DYNLT1: variants seen among roughly 807,000 people sequenced by gnomAD.
DYNLT1 encodes T-complex testis-specific protein 1 homolog.
Under a neutral mutation model 19.6 loss-of-function variants are expected in DYNLT1, and 18 were observed. The ratio of observed to expected loss-of-function variants is 0.92; its 90% CI spans 0.64 to 1.36. The LOEUF (loss-of-function observed/expected upper bound fraction) is 1.36. Among genes scored for constraint, DYNLT1 ranks in the 40% most tolerant of loss-of-function variants. The pLI is 0.00. For missense variants in DYNLT1, 137 were observed against 139.3 expected (o/e 0.98, Z 0.08); for synonymous variants, 56 against 44.0 (o/e 1.27, Z -1.07).
intron 4 of DYNLT1, 74 bp downstream of exon 4, chr6:158,637,054 G>A (rs746399279): frequency 5.1e-6 from 8 of 1,579,832 alleles, no homozygotes; most frequent in Non-Finnish European, 6.1e-6. Context: ...AACATGCATT[G>A]CATTCAAAGA....
At chr6:158,642,083 T>C (rs927802595) in intron 1 of DYNLT1, 3 of 152,370 alleles carry the variant, frequency 2.0e-5, no homozygotes, top group East Asian at 3.9e-4. Context: ...GAGGATCAGT[T>C]TGACCTTGAG....
intron 1 of DYNLT1, 105 bp downstream of exon 1, chr6:158,644,577 C>T: frequency 7.1e-7 from 1 of 1,407,864 alleles, no homozygotes; most frequent in Non-Finnish European, 9.8e-7. Flanking sequence ...CGAGACTGGC[C>T]TAGCTGAAGG....
chr6:158,638,627 G>A (rs1401487231), intron 2 of DYNLT1, among the ~76,000 whole-genome samples: 1 of 151,900 alleles, frequency 6.6e-6, no homozygotes, highest in African/African-American at 2.4e-5. Flanking sequence ...CGCCTGGCTA[G>A]TTTTTTGTAG....
At chr6:158,641,798 C>G (rs980631711) in intron 1 of DYNLT1, 1 of 152,686 alleles carries the variant, frequency 6.5e-6, no homozygotes, top group Non-Finnish European at 1.5e-5. Flanking sequence ...TCTCGAACTC[C>G]TGACCTCAGG....
rs1405111734 is a variant in DYNLT1 at position 158,636,691 on chromosome 6, T to C, written c.*136A>G. On this transcript the variant is annotated 3_prime_UTR_variant, in exon 5 of 5. Transcript: ENST00000367089. ...CGGTGCCATTCACATCACAGTGCGG[T>C]CATTTGGTTTTTTCCTCTACATTGT... 2 of 978,678 alleles carry C rather than the reference T, an allele frequency of 2.0e-6. No homozygotes were observed. The highest frequency in any genetic ancestry group is 3.0e-6 in the Non-Finnish European group (2 of 662,172). 60.6% of individuals were successfully genotyped at this position (978,678 alleles called of 1,614,324 possible).
At position 158,636,724 on chromosome 6, in the gene DYNLT1, C is replaced by A; in HGVS notation, c.*103G>T. The A allele has an allele frequency of 7.4e-7, 1 of 1,348,342 alleles. No individual in the cohort carries two copies. The highest frequency in any genetic ancestry group is 1.0e-6 in the Non-Finnish European group (1 of 980,984). 83.5% of individuals were successfully genotyped at this position (1,348,342 alleles called of 1,614,324 possible). On this transcript the variant is annotated 3_prime_UTR_variant, in exon 5 of 5. Coordinates refer to ENST00000367089, the MANE Select transcript of DYNLT1 (RefSeq NM_006519.4). ...TTTTTTCCTCTACATTGTGAAAGTG[C>A]CACAAAACAAAGAGAATGAGAAAAG...
rs1399473239 is a variant in DYNLT1, at chr6:158,637,260, T to A, written c.194-55A>T. 2.0e-6 allele frequency: 3 copies of A among 1,521,772 alleles called. No homozygotes were observed. The East Asian group carries it at 6.8e-5, about 34-fold the overall frequency. 94.3% of individuals were successfully genotyped at this position (1,521,772 alleles called of 1,614,324 possible). Reference sequence around the variant, plus strand: ...AGTCTACTGGGTAACACAAATGTCATTCTGTCCACTTTTAGCAAACGTACA... The same window carrying A: ...AGTCTACTGGGTAACACAAATGTCAATCTGTCCACTTTTAGCAAACGTACA... On this transcript the variant is annotated intron_variant, in intron 3 of 4. Coordinates refer to ENST00000367089, the MANE Select transcript of DYNLT1 (RefSeq NM_006519.4).
intron 2 of DYNLT1, among the ~76,000 whole-genome samples, chr6:158,638,731 G>A (rs1418261871): frequency 6.6e-6 from 1 of 152,194 alleles, no homozygotes; most frequent in Non-Finnish European, 1.5e-5. Flanking sequence ...GGGATTACAG[G>A]CATAAGCCAC....
rs1185299240 is a variant in DYNLT1, at chr6:158,637,759, A to G, written c.193+12T>C. 6.2e-7 allele frequency: 1 copy of G among 1,614,188 alleles called. No homozygotes were observed. Among genetic ancestry groups the G allele is most frequent in the East Asian group, 2.2e-5 (1 of 44,890 alleles). ...CCATCCCGCAAATATAAAAGAAACAAGACTCCATTACCGATGTATTTAAAT... is the reference window on the plus strand; with the variant it reads ...CCATCCCGCAAATATAAAAGAAACAGGACTCCATTACCGATGTATTTAAAT... On this transcript the variant is annotated intron_variant, in intron 3 of 4. Transcript: ENST00000367089.
At chr6:158,644,640 G>A (rs780864197) in intron 1 of DYNLT1, 42 bp downstream of exon 1, 3 of 1,610,136 alleles carry the variant, frequency 1.9e-6, no homozygotes, top group South Asian at 2.2e-5. Flanking sequence ...CCGCGGCCAG[G>A]GCTCTAGGCC....
chr6:158,641,197 G>C, intron 2 of DYNLT1, 122 bp downstream of exon 2: 2 of 833,936 alleles, frequency 2.4e-6, no homozygotes, highest in Non-Finnish European at 3.6e-6. Context: ...AGTAAAAACT[G>C]TTATTTGAAA....
intron 2 of DYNLT1, 27 bp downstream of exon 2, chr6:158,641,292 T>A (rs1456857560): frequency 6.3e-7 from 1 of 1,577,806 alleles, no homozygotes; most frequent in Non-Finnish European, 8.6e-7. Context: ...CATTAAACAT[T>A]TAAGAAGTGA....
chr6:158,637,544 A>G (rs1184968680), intron 3 of DYNLT1: 2 of 673,362 alleles, frequency 3.0e-6, no homozygotes, highest in Admixed American at 5.6e-5. Flanking sequence ...TTGTTCTAAA[A>G]GCATCTGATG....
At chr6:158,644,414 G>A (rs530099956) in intron 1 of DYNLT1, among the ~76,000 whole-genome samples, 2 of 152,184 alleles carry the variant, frequency 1.3e-5, no homozygotes. Flanking sequence ...CCGCTCACCG[G>A]GGCGCTCTCT....
rs1330674033 is a variant in DYNLT1, at chr6:158,644,692, G to A, written c.17C>T (p.Ala6Val). 13 of 1,612,028 alleles carry A rather than the reference G, an allele frequency of 8.1e-6. No individual in the cohort carries two copies. Among genetic ancestry groups the A allele is most frequent in the South Asian group, 2.2e-5 (2 of 91,070 alleles). The part of the protein sequence containing the change: MEDYQ[A>V]AEETAFVVDE... ...CGACCCGGCGGTTACCTCCTCCGCA[G>A]CCTGGTAGTCTTCCATCTTTCCTCC... Residue 6 changes from alanine to valine, a missense_variant, in exon 1 of 5, where the codon GCT (alanine) becomes GTT (valine). Transcript: ENST00000367089.
At position 158,636,605 on chromosome 6, in the gene DYNLT1, C is replaced by G. The variant is rs1035928051; in HGVS notation, c.*222G>C. On this transcript the variant is annotated 3_prime_UTR_variant, in exon 5 of 5. Transcript: ENST00000367089. ...TTTAGCACCTTTGAAATGAAATATT[C>G]AGAGTTAAGACAAGTGGCAACGCAG... 6 of 484,878 alleles carry G rather than the reference C, an allele frequency of 1.2e-5. No individual in the cohort carries two copies. The highest frequency in any genetic ancestry group is 1.2e-4 in the African/African-American group (6 of 51,928). 30.0% of individuals were successfully genotyped at this position (484,878 alleles called of 1,614,324 possible). A position where few individuals can be genotyped will look rare whatever the true frequency, so the allele number is the denominator to read the frequency against.
chr6:158,638,102 T>C (rs1265238919), intron 2 of DYNLT1, among the ~76,000 whole-genome samples: 1 of 152,234 alleles, frequency 6.6e-6, no homozygotes, highest in Non-Finnish European at 1.5e-5. Flanking sequence ...TGTCAAATTA[T>C]TTACACATTT....
intron 3 of DYNLT1, 94 bp from the exon 4 acceptor site, chr6:158,637,299 C>T (rs1787030106): frequency 1.8e-6 from 2 of 1,127,836 alleles, no homozygotes; most frequent in African/African-American, 1.6e-5. Flanking sequence ...TATGTAGCTC[C>T]ACGTGGTTGA....
chr6:158,638,725 T>C (rs1299738955), intron 2 of DYNLT1, among the ~76,000 whole-genome samples: 1 of 152,222 alleles, frequency 6.6e-6, no homozygotes, highest in Admixed American at 6.5e-5. Context: ...AGTGCTGGGA[T>C]TACAGGCATA....
Sources: allele counts gnomAD v4.1 joint callset (sites outside exome capture counted in the v4.1 genomes callset), GRCh38; gene constraint gnomAD v4.1.1; transcripts MANE v1.5; gene names NCBI Gene and HGNC (gene_info 2026-07-23, HGNC 2026-07-21).